HCN1: variants seen among roughly 807,000 people sequenced by gnomAD.
HCN1 encodes the protein potassium/sodium hyperpolarization-activated cyclic nucleotide-gated channel 1.
Under a neutral mutation model 78.9 loss-of-function variants are expected in HCN1, and 13 were observed. That is an observed-to-expected ratio of 0.16 (90% CI 0.11 to 0.26). The LOEUF is 0.26. HCN1 is among the 10% of genes least tolerant of loss of function. The pLI is 1.00. For missense variants in HCN1, 810 were observed against 1,154.3 expected, an observed-to-expected ratio of 0.70 and a Z score of 4.32; for synonymous variants, 552 against 455.5, an observed-to-expected ratio of 1.21 and a Z score of -2.70.
At chr5:45,491,427 A>T (rs1311846041) in intron 2 of HCN1, among the ~76,000 whole-genome samples, 2 of 152,084 alleles carry the variant, frequency 1.3e-5, no homozygotes, top group East Asian at 3.9e-4. Flanking sequence ...AAAAAAAACA[A>T]ATTTGAAATT....
chr5:45,562,181 T>G (rs534486884), intron 2 of HCN1, among the ~76,000 whole-genome samples: 1 of 152,058 alleles, frequency 6.6e-6, no homozygotes, highest in African/African-American at 2.4e-5. Flanking sequence ...CCTGTGGAGT[T>G]TGACACTAAC....
intron 3 of HCN1, among the ~76,000 whole-genome samples, chr5:45,405,992 A>C (rs1579873194): frequency 6.6e-6 from 1 of 152,162 alleles, no homozygotes; most frequent in African/African-American, 2.4e-5. Context: ...ATAAATTAAA[A>C]TTTAGTGATG....
At chr5:45,349,872 G>T (rs981528650) in intron 5 of HCN1, among the ~76,000 whole-genome samples, 1 of 152,138 alleles carries the variant, frequency 6.6e-6, no homozygotes. Flanking sequence ...TGAAATTGTG[G>T]CAATAATCAA....
At chr5:45,623,786 A>G (rs1165798021) in intron 2 of HCN1, among the ~76,000 whole-genome samples, 1 of 152,220 alleles carries the variant, frequency 6.6e-6, no homozygotes, top group Non-Finnish European at 1.5e-5. Context: ...AAACAAATGT[A>G]TACTACATGA....
chr5:45,637,940 C>T (rs1314890559), intron 2 of HCN1, among the ~76,000 whole-genome samples: 1 of 152,066 alleles, frequency 6.6e-6, no homozygotes, highest in Non-Finnish European at 1.5e-5. Context: ...AAAACTACCA[C>T]TTTTGAGTTC....
At chr5:45,267,691 C>T (rs188226728) in intron 6 of HCN1, among the ~76,000 whole-genome samples, 4 of 152,194 alleles carry the variant, frequency 2.6e-5, no homozygotes, top group African/African-American at 9.6e-5. Flanking sequence ...TCACTTGAAC[C>T]TGGGAGGCAG....
intron 6 of HCN1, among the ~76,000 whole-genome samples, chr5:45,299,918 A>G (rs557851878): frequency 2.6e-5 from 4 of 152,116 alleles, no homozygotes; most frequent in Admixed American, 6.6e-5. Context: ...ATGACACACT[A>G]TGTTAAAGAA....
At chr5:45,488,458 C>T (rs1478205700) in intron 2 of HCN1, among the ~76,000 whole-genome samples, 1 of 152,062 alleles carries the variant, frequency 6.6e-6, no homozygotes, top group Non-Finnish European at 1.5e-5. Flanking sequence ...TTATATCAAA[C>T]AGCAGGGACT....
chr5:45,672,946 T>C (rs1001018270), intron 1 of HCN1, among the ~76,000 whole-genome samples: 5 of 151,536 alleles, frequency 3.3e-5, no homozygotes, highest in Non-Finnish European at 5.9e-5. Context: ...CAAATGTTTA[T>C]ACATTATTAT....
At chr5:45,296,837 T>C (rs571908257) in intron 6 of HCN1, among the ~76,000 whole-genome samples, 45 of 152,018 alleles carry the variant, frequency 3.0e-4, no homozygotes, top group Non-Finnish European at 5.3e-4. Flanking sequence ...TGTCCATAAA[T>C]TTAATTTAGA....
chr5:45,619,081 T>A (rs1318674192), intron 2 of HCN1, among the ~76,000 whole-genome samples: 1 of 152,054 alleles, frequency 6.6e-6, no homozygotes. Flanking sequence ...GGTAGAAAAA[T>A]TGATTTTTTT....
chr5:45,614,087 C>T (rs1015199560), intron 2 of HCN1, among the ~76,000 whole-genome samples: 1 of 152,100 alleles, frequency 6.6e-6, no homozygotes, highest in African/African-American at 2.4e-5. Flanking sequence ...TCCTGTATGG[C>T]TAAGGCAGTT....
rs141285973 is a variant in HCN1 at position 45,324,447 on chromosome 5, A to G, written c.1378-20608T>C. On this transcript the variant is annotated intron_variant, in intron 5 of 7. Coordinates refer to ENST00000303230, the MANE Select transcript of HCN1 (RefSeq NM_021072.4). ...CAGAGAAATGCAAATCAAAACCACA[A>G]TGAGATACCATCTCACACCAGTTAG... Among the ~76,000 whole-genome samples the G allele has an allele frequency of 7.7e-4, 117 of 152,116 alleles. 1 individual carries two copies. Among genetic ancestry groups the G allele is most frequent in the African/African-American group, 2.7e-3 (113 of 41,546 alleles).
chr5:45,378,079 T>A (rs1747726391), intron 4 of HCN1, among the ~76,000 whole-genome samples: 1 of 151,874 alleles, frequency 6.6e-6, no homozygotes, highest in South Asian at 2.1e-4. Flanking sequence ...CATTCAGAAC[T>A]GGAGGGCACC....
intron 1 of HCN1, among the ~76,000 whole-genome samples, chr5:45,691,028 G>A (rs181812704): frequency 1.7e-3 from 260 of 152,132 alleles, no homozygotes; most frequent in African/African-American, 5.6e-3. Flanking sequence ...TAGGACATAG[G>A]TGCATTGAGT....
intron 5 of HCN1, among the ~76,000 whole-genome samples, chr5:45,311,875 T>A (rs1245115274): frequency 1.3e-5 from 2 of 152,184 alleles, no homozygotes; most frequent in African/African-American, 4.8e-5. Context: ...AACAGCTTTC[T>A]CAAATTTCTA....
At chr5:45,291,808 G>A (rs1501365) in intron 6 of HCN1, among the ~76,000 whole-genome samples, 10,620 of 152,006 alleles carry the variant, frequency 0.07, 483 homozygotes, top group Admixed American at 0.13. Flanking sequence ...GGGAATACAG[G>A]CACAAGCCAC....
intron 2 of HCN1, among the ~76,000 whole-genome samples, chr5:45,581,216 T>G (rs1190798787): frequency 2.6e-5 from 4 of 152,218 alleles, no homozygotes; most frequent in South Asian, 2.1e-4. Context: ...CCTGACTTTT[T>G]AATGATTGCC....
intron 6 of HCN1, among the ~76,000 whole-genome samples, chr5:45,302,860 A>G (rs1014832855): frequency 6.6e-6 from 1 of 151,620 alleles, no homozygotes; most frequent in Non-Finnish European, 1.5e-5. Context: ...CTTTTTCCTC[A>G]TTATCTCTTG....
Sources: allele counts gnomAD v4.1 joint callset (sites outside exome capture counted in the v4.1 genomes callset), GRCh38; gene constraint gnomAD v4.1.1; transcripts MANE v1.5; gene names NCBI Gene and HGNC (gene_info 2026-07-23, HGNC 2026-07-21).